Variants in COL23A1 observed in about 807,000 individuals in gnomAD.
The protein encoded by COL23A1 is collagen type XXIII alpha 1 chain.
A neutral mutation model predicts 99.3 loss-of-function variants in COL23A1; 97 were observed. The observed-to-expected ratio is 0.98, with a 90% CI of 0.83 to 1.16. The LOEUF (loss-of-function observed/expected upper bound fraction) is 1.16. COL23A1 is among the 50% of genes most tolerant of loss of function. The pLI is 0.00. For synonymous variants in COL23A1, 320 were observed against 308.2 expected, an observed-to-expected ratio of 1.04 and a Z score of -0.40; for missense variants, 762 against 757.4, an observed-to-expected ratio of 1.01 and a Z score of -0.07.
At chr5:178,424,035 A>G (rs1765772966) in intron 2 of COL23A1, among the ~76,000 whole-genome samples, 1 of 152,208 alleles carries the variant, frequency 6.6e-6, no homozygotes, top group South Asian at 2.1e-4. Flanking sequence ...TCACACAAAT[A>G]AATAGCAGAA....
chr5:178,326,886 AT>A (rs1759705807), intron 2 of COL23A1, among the ~76,000 whole-genome samples: 1 of 152,040 alleles, frequency 6.6e-6, no homozygotes, highest in Non-Finnish European at 1.5e-5. Flanking sequence ...CGCCTGGCTA[AT>A]TTTCGTATTT....
At chr5:178,435,906 T>C (rs1766533564) in intron 2 of COL23A1, among the ~76,000 whole-genome samples, 2 of 152,162 alleles carry the variant, frequency 1.3e-5, no homozygotes. Flanking sequence ...TGCCACATCA[T>C]TTTAGGACTG....
intron 2 of COL23A1, among the ~76,000 whole-genome samples, chr5:178,456,371 G>C (rs1350032788): frequency 2.0e-5 from 3 of 152,200 alleles, no homozygotes; most frequent in African/African-American, 4.8e-5. Flanking sequence ...ACCGATATCA[G>C]ATGGGACTGG....
chr5:178,490,629 T>C (rs75333780), intron 2 of COL23A1, among the ~76,000 whole-genome samples: 1 of 152,012 alleles, frequency 6.6e-6, no homozygotes, highest in Non-Finnish European at 1.5e-5. Flanking sequence ...TTAAAAAAAT[T>C]AGCCAGATGT....
chr5:178,285,100 A>C (rs997883963), intron 5 of COL23A1, among the ~76,000 whole-genome samples: 1 of 152,208 alleles, frequency 6.6e-6, no homozygotes, highest in African/African-American at 2.4e-5. Flanking sequence ...GGACAGGGCG[A>C]GCCGGGCCCT....
At position 178,250,069 on chromosome 5, in the gene COL23A1, C is replaced by T; in HGVS notation, c.1051G>A (p.Gly351Arg). Residue 351 changes from glycine to arginine, a missense_variant, in exon 18 of 29, where the codon GGA becomes AGA. Physicochemically the swap from Gly to Arg is moderately radical, Grantham distance 125. Transcript: ENST00000390654. ...ATGAAAGGCCCAGAGACCTTCTCTC[C>T]ATCGATTCCTGGGGCACCGGGCAAT... is the stretch of plus-strand genomic sequence containing the variant. The part of the protein sequence containing the change: ...LGLPGAPGID[G>R]EKGPKGQKGD... 6.2e-7 allele frequency: 1 copy of T among 1,614,130 alleles called. No individual in the cohort carries two copies. Among genetic ancestry groups the T allele is most frequent in the South Asian group, 1.1e-5 (1 of 91,076 alleles).
chr5:178,577,442 G>A (rs903680464), intron 1 of COL23A1, among the ~76,000 whole-genome samples: 1 of 152,238 alleles, frequency 6.6e-6, no homozygotes, highest in African/African-American at 2.4e-5. Context: ...GGAGGCACAC[G>A]ATTCAGCCCA....
chr5:178,373,197 TG>T (rs1313392173), intron 2 of COL23A1, among the ~76,000 whole-genome samples: 17 of 152,312 alleles, frequency 1.1e-4, no homozygotes, highest in African/African-American at 4.1e-4. Context: ...GCTGGCCTTG[TG>T]CCCTTGGACC....
At chr5:178,286,933 G>C (rs532644112) in intron 5 of COL23A1, among the ~76,000 whole-genome samples, 2 of 152,362 alleles carry the variant, frequency 1.3e-5, no homozygotes, top group East Asian at 3.9e-4. Flanking sequence ...CTGGACCTGT[G>C]AATACAGAGT....
At chr5:178,548,311 CTCTCA>C (rs1454025757) in intron 2 of COL23A1, among the ~76,000 whole-genome samples, 4 of 151,950 alleles carry the variant, frequency 2.6e-5, no homozygotes, top group Admixed American at 1.3e-4. Flanking sequence ...TGCATATCTC[CTCTCA>C]TATGTCCCAC....
chr5:178,547,984 ACCC>A (rs1761785275), intron 2 of COL23A1, among the ~76,000 whole-genome samples: 1 of 4,842 alleles, frequency 2.1e-4, no homozygotes. Flanking sequence ...ACCCACACCC[ACCC>A]CCCACACACC....
At chr5:178,266,248 T>C (rs2913843) in intron 8 of COL23A1, among the ~76,000 whole-genome samples, 84,739 of 151,530 alleles carry the variant, frequency 0.56, 26,217 homozygotes, top group Non-Finnish European at 0.72. Flanking sequence ...ACCATGTTGG[T>C]CAGGCTGGTC....
intron 2 of COL23A1, among the ~76,000 whole-genome samples, chr5:178,311,771 C>T (rs1441815403): frequency 7.3e-6 from 1 of 137,364 alleles, no homozygotes; most frequent in Non-Finnish European, 1.5e-5. Context: ...CACTCTGTTG[C>T]CCAGGCTGGA....
chr5:178,548,542 C>T (rs1229212137), intron 2 of COL23A1, among the ~76,000 whole-genome samples: 4 of 142,344 alleles, frequency 2.8e-5, no homozygotes, highest in Non-Finnish European at 6.0e-5. Flanking sequence ...TATCCACATC[C>T]TTTGCCTATT....
chr5:178,446,013 T>C (rs1386342901), intron 2 of COL23A1, among the ~76,000 whole-genome samples: 1 of 152,048 alleles, frequency 6.6e-6, no homozygotes, highest in Non-Finnish European at 1.5e-5. Flanking sequence ...GACTGTCTAG[T>C]AGCATATAAA....
chr5:178,473,132 CA>C (rs199558683), intron 2 of COL23A1, among the ~76,000 whole-genome samples: 1 of 151,056 alleles, frequency 6.6e-6, no homozygotes, highest in Admixed American at 6.6e-5. Flanking sequence ...GCCATCCCCC[CA>C]AAAAAAATCA....
chr5:178,332,385 C>T (rs1391613435), intron 2 of COL23A1, among the ~76,000 whole-genome samples: 1 of 152,182 alleles, frequency 6.6e-6, no homozygotes, highest in Non-Finnish European at 1.5e-5. Context: ...GATCCTGAGC[C>T]AGCAGCTGGG....
chr5:178,262,190 G>C, intron 10 of COL23A1, 27 bp downstream of exon 10: 2 of 1,572,288 alleles, frequency 1.3e-6, no homozygotes, highest in Non-Finnish European at 1.7e-6. Context: ...TAGCAGCCCA[G>C]GCCTCTGGAA....
At position 178,307,497 on chromosome 5, in the gene COL23A1, G is replaced by A. The variant is rs573623508; in HGVS notation, c.362-578C>T. On this transcript the variant is annotated intron_variant, in intron 2 of 28. Coordinates refer to ENST00000390654, the MANE Select transcript of COL23A1 (RefSeq NM_173465.4). The surrounding 1 kb of genome is among the most constrained non-coding windows in gnomAD (Gnocchi z 4.2). ...CCCAGAGCCAGGGAGCTGCTCAGCC[G>A]CCTTCTGGGCTTCCTGTCCACGTCT... Among the ~76,000 whole-genome samples, 1 of 152,198 alleles carries A rather than the reference G, an allele frequency of 6.6e-6. No homozygotes were observed. The highest frequency in any genetic ancestry group is 2.4e-5 in the African/African-American group (1 of 41,436).
Sources: gnomAD v4.1 joint callset for allele counts (sites outside exome capture counted in the v4.1 genomes callset) on GRCh38, gnomAD v4.1.1 for gene constraint, Gnocchi (gnomAD v3.1) non-coding constraint, MANE v1.5 for transcripts, NCBI Gene and HGNC (gene_info 2026-07-23, HGNC 2026-07-21) for gene names.